The following KPNA4 variants were observed in gnomAD, a reference collection of about 807,000 sequenced individuals.
The protein encoded by KPNA4 is karyopherin subunit alpha 4.
Under a neutral mutation model 71.3 loss-of-function variants are expected in KPNA4, and 13 were observed. The observed-to-expected ratio is 0.18, with a 90% CI of 0.12 to 0.29. The LOEUF is 0.29. KPNA4 is among the 10% of genes least tolerant of loss of function. KPNA4 has a pLI of 1.00. For missense variants in KPNA4, 334 were observed against 603.2 expected, an observed-to-expected ratio of 0.55 and a Z score of 4.67; for synonymous variants, 189 against 195.2, an observed-to-expected ratio of 0.97 and a Z score of 0.26.
intron 1 of KPNA4, among the ~76,000 whole-genome samples, chr3:160,552,117 T>C (rs1206916341): frequency 2.0e-5 from 3 of 152,144 alleles, no homozygotes; most frequent in Non-Finnish European, 4.4e-5. Flanking sequence ...CTCATGAGAA[T>C]TCAAATTAAG....
Position 160,522,461 on chromosome 3 carries a change from C to CT in KPNA4, c.772-552dup, listed in dbSNP as rs565597839. On this transcript the variant is annotated intron_variant, in intron 10 of 16. Transcript: ENST00000334256. Reference sequence around the variant, plus strand: ...TTTTGCCTTACAGAACTGGAGACAACTTTTTTTTTTTTTTGAGACGGAGTC... The same window carrying CT: ...TTTTGCCTTACAGAACTGGAGACAACTTTTTTTTTTTTTTTGAGACGGAGTC... Among the ~76,000 whole-genome samples, 469 of 146,412 alleles carry CT rather than the reference C, an allele frequency of 3.2e-3. 2 individuals carry two copies. Among genetic ancestry groups the CT allele is most frequent in the African/African-American group, 6.5e-3 (263 of 40,298 alleles).
intron 1 of KPNA4, among the ~76,000 whole-genome samples, chr3:160,541,062 C>T (rs1721787689): frequency 6.6e-6 from 1 of 152,188 alleles, no homozygotes. Flanking sequence ...CTGTATTAAG[C>T]ACTAGGGACT....
chr3:160,515,217 T>C (rs1721185188), intron 12 of KPNA4: 1 of 590,954 alleles, frequency 1.7e-6, no homozygotes, highest in Non-Finnish European at 3.2e-6. Flanking sequence ...CACCCAATTA[T>C]CTCTATTTCA....
At chr3:160,545,815 A>G in intron 1 of KPNA4, among the ~76,000 whole-genome samples, 1 of 152,094 alleles carries the variant, frequency 6.6e-6, no homozygotes, top group East Asian at 1.9e-4. Context: ...ATGAGTCTGA[A>G]TATATTTTGA....
At chr3:160,530,134 CAAAAAAAAAAAAAAAA>C (rs746257397) in intron 7 of KPNA4, among the ~76,000 whole-genome samples, 1 of 38,530 alleles carries the variant, frequency 2.6e-5, no homozygotes, top group African/African-American at 7.1e-5. Flanking sequence ...GACTCCATCT[CAAAAAAAAAAAAAAAA>C]AAAAAAAAAG....
chr3:160,535,418 A>C (rs1254964372), intron 5 of KPNA4, 95 bp downstream of exon 5: 1 of 758,110 alleles, frequency 1.3e-6, no homozygotes, highest in East Asian at 2.6e-5. Flanking sequence ...CATCAAGTTA[A>C]ATTTGATTAA....
intron 16 of KPNA4, among the ~76,000 whole-genome samples, chr3:160,504,170 G>T (rs943355033): frequency 6.6e-6 from 1 of 152,156 alleles, no homozygotes; most frequent in Admixed American, 6.5e-5. Flanking sequence ...ACAACTGTAA[G>T]TAAATAGTCT....
intron 1 of KPNA4, among the ~76,000 whole-genome samples, chr3:160,553,973 A>T (rs2108560472): frequency 6.6e-6 from 1 of 152,346 alleles, no homozygotes; most frequent in East Asian, 1.9e-4. Flanking sequence ...GACCTATTAG[A>T]ATGTAAACTT....
intron 14 of KPNA4, among the ~76,000 whole-genome samples, chr3:160,509,027 T>C (rs547248527): frequency 1.3e-5 from 2 of 152,348 alleles, no homozygotes; most frequent in African/African-American, 4.8e-5. Flanking sequence ...ACCACCAGTC[T>C]GCAGCCTTTT....
chr3:160,541,950 G>A (rs948301384), intron 1 of KPNA4, among the ~76,000 whole-genome samples: 10 of 152,076 alleles, frequency 6.6e-5, no homozygotes, highest in South Asian at 2.1e-4. Context: ...TTTAATACAC[G>A]TATTAATAAC....
rs767516393 is a variant in KPNA4 at position 160,565,313 on chromosome 3, G to C, written c.-31C>G. 5.8e-6 allele frequency: 9 copies of C among 1,552,376 alleles called. No homozygotes were observed. The South Asian group carries it at 8.2e-5, about 14-fold the overall frequency. ...GGCCGGTGACTCCTTCCCCCGCCCGGGCCCCGCGGGATCCGCCCCAACCAA... is the reference window on the plus strand; with the variant it reads ...GGCCGGTGACTCCTTCCCCCGCCCGCGCCCCGCGGGATCCGCCCCAACCAA... On this transcript the variant is annotated 5_prime_UTR_variant, in exon 1 of 17. Coordinates refer to ENST00000334256, the MANE Select transcript of KPNA4 (RefSeq NM_002268.5).
intron 15 of KPNA4, among the ~76,000 whole-genome samples, chr3:160,506,615 T>A (rs890548641): frequency 1.3e-5 from 2 of 152,208 alleles, no homozygotes; most frequent in Non-Finnish European, 2.9e-5. Flanking sequence ...CCACTGGGGA[T>A]TCCTGGGTCT....
chr3:160,555,567 A>T (rs936987522), intron 1 of KPNA4, among the ~76,000 whole-genome samples: 1 of 152,226 alleles, frequency 6.6e-6, no homozygotes. Context: ...TGGAACAATT[A>T]TAACAATATA....
chr3:160,555,118 A>G (rs772096393), intron 1 of KPNA4, among the ~76,000 whole-genome samples: 1 of 152,184 alleles, frequency 6.6e-6, no homozygotes, highest in African/African-American at 2.4e-5. Flanking sequence ...AATTAAATTG[A>G]ATCAGTGGAT....
chr3:160,559,407 T>C (rs1039393618), intron 1 of KPNA4, among the ~76,000 whole-genome samples: 1 of 152,204 alleles, frequency 6.6e-6, no homozygotes, highest in African/African-American at 2.4e-5. Context: ...AATCATGAAT[T>C]TTTTATTGAA....
chr3:160,549,107 C>T (rs1313663234), intron 1 of KPNA4, among the ~76,000 whole-genome samples: 1 of 152,128 alleles, frequency 6.6e-6, no homozygotes, highest in East Asian at 1.9e-4. Context: ...TCTTTTCAAG[C>T]CTTTTGCGCA....
intron 1 of KPNA4, among the ~76,000 whole-genome samples, chr3:160,560,360 A>T (rs1722218851): frequency 1.3e-5 from 2 of 152,086 alleles, no homozygotes; most frequent in African/African-American, 2.4e-5. Context: ...AAGCATATAC[A>T]GTAGGTGCTC....
Position 160,497,827 on chromosome 3 carries a change from T to A in KPNA4, c.*4277A>T, listed in dbSNP as rs1405029707. On this transcript the variant is annotated 3_prime_UTR_variant, in exon 17 of 17. Coordinates refer to ENST00000334256, the MANE Select transcript of KPNA4 (RefSeq NM_002268.5). ...TCCACCAAACCCGAGGAGTTAACAA[T>A]TAAAGTTGGCCTATTTATAGTTCAC... The A allele has an allele frequency of 6.6e-6, 1 of 152,214 alleles. No individual in the cohort carries two copies. Among genetic ancestry groups the A allele is most frequent in the African/African-American group, 2.4e-5 (1 of 41,462 alleles). 9.4% of individuals were successfully genotyped at this position (152,214 alleles called of 1,614,324 possible).
At chr3:160,508,531 A>G (rs1321700605) in intron 14 of KPNA4, among the ~76,000 whole-genome samples, 5 of 152,204 alleles carry the variant, frequency 3.3e-5, no homozygotes, top group Admixed American at 2.6e-4. Context: ...TTGCCATAAG[A>G]AATACTTCCT....
Sources: allele counts gnomAD v4.1 joint callset (sites outside exome capture counted in the v4.1 genomes callset), GRCh38; gene constraint gnomAD v4.1.1; transcripts MANE v1.5; gene names NCBI Gene and HGNC (gene_info 2026-07-23, HGNC 2026-07-21).